The following NCOR1 variants were observed in gnomAD, a reference collection of about 807,000 sequenced individuals.
NCOR1 encodes the protein nuclear receptor corepressor 1.
In NCOR1, 63 loss-of-function variants were observed where a neutral mutation model predicts 288.1. The observed-to-expected ratio is 0.22, with a 90% confidence interval of 0.18 to 0.27. The LOEUF (loss-of-function observed/expected upper bound fraction) is 0.27. NCOR1 is among the 10% of genes least tolerant of loss of function. NCOR1 has a pLI of 1.00. For missense variants in NCOR1, 2,397 were observed against 3,019.2 expected (o/e 0.79, Z 4.83); for synonymous variants, 1,007 against 1,065.9 (o/e 0.94, Z 1.08).
intron 3 of NCOR1, among the ~76,000 whole-genome samples, chr17:16,184,403 G>A (rs569513937): frequency 2.0e-5 from 3 of 152,290 alleles, no homozygotes; most frequent in Non-Finnish European, 2.9e-5. Flanking sequence ...ATGGGCAGAA[G>A]ATCTGAATAG....
intron 4 of NCOR1, 57 bp downstream of exon 4, chr17:16,171,746 T>A (rs2083179574): frequency 1.4e-6 from 2 of 1,391,172 alleles, no homozygotes; most frequent in Non-Finnish European, 1.9e-6. Flanking sequence ...TGCATGAGTA[T>A]AACTAAATAA....
In NCOR1 at chr17:16,056,190, T is replaced by C. The variant is rs149523674; in HGVS notation, c.6392+1324A>G. On this transcript the variant is annotated intron_variant, in intron 40 of 45. Coordinates refer to ENST00000268712, the MANE Select transcript of NCOR1 (RefSeq NM_006311.4). ...TCACTTCTGCTACAAATTTCTCTTT[T>C]TCAGGCTCTGAGCCATGGCTTCCAT... Among the ~76,000 whole-genome samples, 829 of 152,296 alleles carry C rather than the reference T, an allele frequency of 5.4e-3. 7 individuals carry two copies. Among genetic ancestry groups the C allele is most frequent in the African/African-American group, 0.019 (786 of 41,562 alleles).
chr17:16,175,034 A>AT (rs1365725422), intron 3 of NCOR1, among the ~76,000 whole-genome samples: 1 of 136,502 alleles, frequency 7.3e-6, no homozygotes, highest in Non-Finnish European at 1.6e-5. Context: ...AAACTGTGGT[A>AT]TAAAAAAAAA....
At chr17:16,087,279 T>C in intron 22 of NCOR1, 2 of 1,304,286 alleles carry the variant, frequency 1.5e-6, no homozygotes, top group Non-Finnish European at 1.0e-6. Context: ...TGCAGTATTG[T>C]GCATCTGTGC....
chr17:16,065,531 G>A lies in NCOR1; in HGVS notation c.4905C>T (p.Leu1635=), dbSNP rs1338454939. 1 of 1,614,184 alleles carries A rather than the reference G, an allele frequency of 6.2e-7. No homozygotes were observed. The highest frequency in any genetic ancestry group is 1.7e-5 in the Admixed American group (1 of 60,034). Residue 1635 remains leucine, a synonymous_variant, in exon 33 of 46, where the codon CTC becomes CTT. Coordinates refer to ENST00000268712, the MANE Select transcript of NCOR1 (RefSeq NM_006311.4). ...GACCCAGTGGCTGCTCTCTTGGGGA[G>A]AGTCCTCTGGCCACATCTGGACGCA... ...VNLRPDVARG[L]SPREQPLGLP...
At chr17:16,179,405 A>T (rs1018093047) in intron 3 of NCOR1, among the ~76,000 whole-genome samples, 1 of 152,158 alleles carries the variant, frequency 6.6e-6, no homozygotes, top group Non-Finnish European at 1.5e-5. Context: ...ACAACCTACC[A>T]AGATTGAGTT....
At chr17:16,064,468 T>C (rs1304216315) in intron 34 of NCOR1, among the ~76,000 whole-genome samples, 1 of 151,756 alleles carries the variant, frequency 6.6e-6, no homozygotes, top group Non-Finnish European at 1.5e-5. Flanking sequence ...CCAGGTGTGG[T>C]GGCGCGCACC....
intron 2 of NCOR1, among the ~76,000 whole-genome samples, chr17:16,192,566 G>A (rs903889834): frequency 2.0e-5 from 3 of 152,176 alleles, no homozygotes; most frequent in African/African-American, 7.2e-5. Context: ...TGAGACAGGA[G>A]AATTGCTTGA....
chr17:16,167,787 G>A (rs1029919214), intron 4 of NCOR1, among the ~76,000 whole-genome samples: 1 of 149,936 alleles, frequency 6.7e-6, no homozygotes, highest in Non-Finnish European at 1.5e-5. Context: ...TTGAACCCGG[G>A]AGGCGGAGGT....
At chr17:16,170,943 G>A (rs2083034788) in intron 4 of NCOR1, among the ~76,000 whole-genome samples, 1 of 151,876 alleles carries the variant, frequency 6.6e-6, no homozygotes, top group African/African-American at 2.4e-5. Context: ...AAGTGCATGG[G>A]GAAAGTTCTT....
At chr17:16,083,403 T>C (rs1444535579) in intron 23 of NCOR1, among the ~76,000 whole-genome samples, 1 of 151,056 alleles carries the variant, frequency 6.6e-6, no homozygotes, top group African/African-American at 2.4e-5. Context: ...AATAGCCAAA[T>C]ATAAATCAAA....
intron 23 of NCOR1, chr17:16,083,957 G>T (rs1231464232): frequency 6.6e-6 from 1 of 152,036 alleles, no homozygotes; most frequent in African/African-American, 2.4e-5. Context: ...GAAGAGAAGA[G>T]ATCCCAGCAG....
chr17:16,054,492 C>T (rs986907132), intron 40 of NCOR1, among the ~76,000 whole-genome samples: 11 of 151,934 alleles, frequency 7.2e-5, no homozygotes, highest in South Asian at 2.1e-4. Flanking sequence ...GCCGAGACTG[C>T]GCCACTGAAA....
chr17:16,071,154 T>C (rs2061709319), intron 30 of NCOR1, among the ~76,000 whole-genome samples: 1 of 151,964 alleles, frequency 6.6e-6, no homozygotes, highest in African/African-American at 2.4e-5. Context: ...GGTACATGCC[T>C]GTAGTCCTAG....
chr17:16,060,861 A>T (rs1378699286), intron 37 of NCOR1, among the ~76,000 whole-genome samples: 1 of 152,264 alleles, frequency 6.6e-6, no homozygotes, highest in Admixed American at 6.5e-5. Flanking sequence ...TAGCATTTTA[A>T]TGTAGACCTG....
Position 16,165,090 on chromosome 17 carries a change from T to G in NCOR1, c.507A>C (p.Gln169His). The change falls in exon 5 of 46, where the codon CAA becomes CAC. Residue 169 changes from glutamine (Q) to histidine (H), a missense_variant. Around this residue, in one of 11 missense-constraint regions of NCOR1, gnomAD observed 110 missense variants for 123.2 expected, o/e 0.89. Transcript: ENST00000268712. ...TTGAGAGTTTTGAAGGTGAAGCATTTTGATCATCTCCACATGGTTGCCCCG... is the reference window on the plus strand; with the variant it reads ...TTGAGAGTTTTGAAGGTGAAGCATTGTGATCATCTCCACATGGTTGCCCCG... ...PISGQPCGDD[Q>H]NASPSKLSKE... The G allele has an allele frequency of 6.2e-7, 1 of 1,611,124 alleles. No homozygotes were observed. Among genetic ancestry groups the G allele is most frequent in the African/African-American group, 1.3e-5 (1 of 74,924 alleles).
intron 31 of NCOR1, among the ~76,000 whole-genome samples, chr17:16,069,681 A>G (rs568717658): frequency 1.0e-3 from 159 of 152,334 alleles, no homozygotes; most frequent in Non-Finnish European, 1.8e-3. Flanking sequence ...TTTGATCTTC[A>G]TAACAATCCA....
intron 19 of NCOR1, among the ~76,000 whole-genome samples, chr17:16,105,994 G>A (rs962697556): frequency 6.6e-6 from 1 of 152,118 alleles, no homozygotes; most frequent in Non-Finnish European, 1.5e-5. Context: ...CAGCTACTCG[G>A]GAGGCTGAGG....
intron 31 of NCOR1, among the ~76,000 whole-genome samples, chr17:16,069,207 A>G (rs925453196): frequency 8.5e-5 from 13 of 152,178 alleles, no homozygotes; most frequent in African/African-American, 2.9e-4. Context: ...CAAAGAAAGA[A>G]ATCACACTGG....
Sources: allele counts gnomAD v4.1 joint callset (sites outside exome capture counted in the v4.1 genomes callset), GRCh38; gene constraint gnomAD v4.1.1; regional missense constraint gnomAD v4.1.1; transcripts MANE v1.5; gene names NCBI Gene and HGNC (gene_info 2026-07-23, HGNC 2026-07-21).